Variants in DPP10 observed in about 807,000 individuals in gnomAD.
DPP10 encodes inactive dipeptidyl peptidase 10.
Under a neutral mutation model 120.9 loss-of-function variants are expected in DPP10, and 33 were observed. That is an observed-to-expected ratio of 0.27 (90% CI 0.21 to 0.37). The LOEUF is 0.37. Among genes scored for constraint, DPP10 ranks in the 10% least tolerant of loss-of-function variants. DPP10 has a pLI of 1.00. For synonymous variants in DPP10, 337 were observed against 326.1 expected, an observed-to-expected ratio of 1.03 and a Z score of -0.36; for missense variants, 816 against 942.8, an observed-to-expected ratio of 0.87 and a Z score of 1.76.
intron 1 of DPP10, among the ~76,000 whole-genome samples, chr2:114,866,068 C>A (rs182454476): frequency 6.6e-6 from 1 of 151,396 alleles, no homozygotes; most frequent in African/African-American, 2.4e-5. Flanking sequence ...GCTGAGATCG[C>A]GCCACTGCAC....
At chr2:115,577,103 G>C (rs1378532471) in intron 5 of DPP10, among the ~76,000 whole-genome samples, 1 of 152,196 alleles carries the variant, frequency 6.6e-6, no homozygotes, top group Non-Finnish European at 1.5e-5. Context: ...CTCTCTCTCT[G>C]TTCCTAAATG....
At chr2:115,028,906 G>T (rs56125909) in intron 1 of DPP10, among the ~76,000 whole-genome samples, 10,553 of 152,070 alleles carry the variant, frequency 0.069, 543 homozygotes, top group Non-Finnish European at 0.093. Context: ...CACTTTCACA[G>T]AATGGCTTCT....
At chr2:115,000,123 A>T (rs1289405850) in intron 1 of DPP10, among the ~76,000 whole-genome samples, 2 of 151,582 alleles carry the variant, frequency 1.3e-5, no homozygotes, top group African/African-American at 4.8e-5. Context: ...TGGTCTCTAC[A>T]TTTATGGGGT....
At chr2:115,356,957 T>C (rs968871195) in intron 3 of DPP10, among the ~76,000 whole-genome samples, 1 of 152,238 alleles carries the variant, frequency 6.6e-6, no homozygotes, top group African/African-American at 2.4e-5. Context: ...CTTTCTATAG[T>C]GGCTGAACTA....
chr2:115,570,022 G>T (rs1369982206), intron 5 of DPP10, among the ~76,000 whole-genome samples: 2 of 152,148 alleles, frequency 1.3e-5, no homozygotes, highest in African/African-American at 4.8e-5. Flanking sequence ...TTACCTTACG[G>T]TTATCTGTGT....
chr2:115,554,864 G>A (rs1466984490), intron 5 of DPP10, among the ~76,000 whole-genome samples: 1 of 151,904 alleles, frequency 6.6e-6, no homozygotes, highest in Non-Finnish European at 1.5e-5. Context: ...TCTTCCCCTT[G>A]TGCAACCTCT....
Position 115,191,530 on chromosome 2 carries a change from C to G in DPP10, c.61-117709C>G, listed in dbSNP as rs184625661. 6.6e-5 allele frequency among the ~76,000 whole-genome samples: 10 copies of G among 152,228 alleles called. No individual in the cohort carries two copies. In the East Asian group the frequency reaches 1.4e-3, roughly 21 times the overall value. On this transcript the variant is annotated intron_variant, in intron 1 of 25. Coordinates refer to ENST00000410059, the MANE Select transcript of DPP10 (RefSeq NM_020868.6). ...GTTACGTTAATAAGTAGGTGACCAG[C>G]AATAGAGTGAGGAAAGAAGAAGGAG...
chr2:114,969,650 ATG>A (rs1293268106), intron 1 of DPP10, among the ~76,000 whole-genome samples: 1 of 152,090 alleles, frequency 6.6e-6, no homozygotes, highest in Non-Finnish European at 1.5e-5. Flanking sequence ...TCCTGTAGCT[ATG>A]TGTGATGATG....
chr2:115,012,070 C>T (rs751522439), intron 1 of DPP10, among the ~76,000 whole-genome samples: 11 of 152,048 alleles, frequency 7.2e-5, no homozygotes, highest in East Asian at 1.9e-4. Context: ...TAATCACCCT[C>T]GGAATATAAC....
chr2:115,594,548 C>A (rs999101499), intron 5 of DPP10, among the ~76,000 whole-genome samples: 1 of 152,172 alleles, frequency 6.6e-6, no homozygotes, highest in East Asian at 1.9e-4. Flanking sequence ...ATTACACTAA[C>A]AATCCTCATT....
intron 1 of DPP10, among the ~76,000 whole-genome samples, chr2:115,212,663 T>C (rs1188101608): frequency 6.6e-6 from 1 of 152,156 alleles, no homozygotes; most frequent in Non-Finnish European, 1.5e-5. Flanking sequence ...CATACAAATA[T>C]GTTAAAATAA....
intron 1 of DPP10, among the ~76,000 whole-genome samples, chr2:115,172,996 G>A (rs1306525114): frequency 6.6e-6 from 1 of 152,196 alleles, no homozygotes; most frequent in Admixed American, 6.5e-5. Flanking sequence ...AAGCTGCATG[G>A]CATCCATTTT....
chr2:114,886,702 G>C (rs1692102800), intron 1 of DPP10, among the ~76,000 whole-genome samples: 1 of 151,970 alleles, frequency 6.6e-6, no homozygotes. Context: ...GGATATATTT[G>C]CCTCTGTGTA....
intron 1 of DPP10, among the ~76,000 whole-genome samples, chr2:115,260,010 GAT>G (rs1362018727): frequency 4.0e-5 from 6 of 151,204 alleles, no homozygotes; most frequent in African/African-American, 1.5e-4. Context: ...TTTTAAAAAT[GAT>G]ATGTTTAAAA....
intron 7 of DPP10, among the ~76,000 whole-genome samples, chr2:115,726,132 A>G (rs1293736907): frequency 6.6e-6 from 1 of 152,138 alleles, no homozygotes; most frequent in Non-Finnish European, 1.5e-5. Flanking sequence ...CTCCTCCTCC[A>G]TGTCCCTTGC....
chr2:115,017,200 A>G (rs1702707898), intron 1 of DPP10, among the ~76,000 whole-genome samples: 1 of 151,936 alleles, frequency 6.6e-6, no homozygotes, highest in Admixed American at 6.6e-5. Flanking sequence ...TAAAACTTCA[A>G]GTATAATAAT....
chr2:114,963,340 C>T (rs1405116447), intron 1 of DPP10, among the ~76,000 whole-genome samples: 1 of 152,044 alleles, frequency 6.6e-6, no homozygotes, highest in Non-Finnish European at 1.5e-5. Context: ...TCAAAGTAAA[C>T]ACAATTCATT....
At chr2:115,204,560 C>G (rs957892379) in intron 1 of DPP10, among the ~76,000 whole-genome samples, 4 of 152,146 alleles carry the variant, frequency 2.6e-5, no homozygotes, top group Non-Finnish European at 5.9e-5. Context: ...GCAGATGTTA[C>G]CACCCTCATT....
At chr2:115,220,084 TA>T (rs922851277) in intron 1 of DPP10, among the ~76,000 whole-genome samples, 1 of 152,142 alleles carries the variant, frequency 6.6e-6, no homozygotes, top group African/African-American at 2.4e-5. Flanking sequence ...TCATAAAAAA[TA>T]AAATTCTTAT....
Sources: gnomAD v4.1 joint callset for allele counts (sites outside exome capture counted in the v4.1 genomes callset) on GRCh38, gnomAD v4.1.1 for gene constraint, MANE v1.5 for transcripts, NCBI Gene and HGNC (gene_info 2026-07-23, HGNC 2026-07-21) for gene names.